The following COL11A1 variants were observed in gnomAD, a reference collection of about 807,000 sequenced individuals.
COL11A1 encodes collagen alpha-1(XI) chain.
Under a neutral mutation model 265.2 loss-of-function variants are expected in COL11A1, and 74 were observed. The ratio of observed to expected loss-of-function variants is 0.28; its 90% confidence interval spans 0.23 to 0.34. COL11A1 has a LOEUF of 0.34. Ranked by LOEUF, COL11A1 falls within the 10% of genes least tolerant of loss-of-function variation. COL11A1 has a pLI of 1.00. For missense variants in COL11A1, 2,165 were observed against 2,263.6 expected (o/e 0.96, Z 0.88); for synonymous variants, 816 against 727.6 (o/e 1.12, Z -1.96).
At chr1:102,954,879 A>G (rs1234839019) in intron 41 of COL11A1, among the ~76,000 whole-genome samples, 1 of 151,824 alleles carries the variant, frequency 6.6e-6, no homozygotes, top group African/African-American at 2.4e-5. Context: ...GTTGACCTTC[A>G]TGTCAAAACT....
chr1:102,921,856 A>T (rs1332955249), intron 47 of COL11A1, among the ~76,000 whole-genome samples: 2 of 152,248 alleles, frequency 1.3e-5, no homozygotes, highest in Admixed American at 6.5e-5. Context: ...TCACAATATA[A>T]CTAGATATAT....
chr1:102,933,728 T>C (rs1657812040), intron 46 of COL11A1, among the ~76,000 whole-genome samples: 1 of 152,122 alleles, frequency 6.6e-6, no homozygotes, highest in Non-Finnish European at 1.5e-5. Context: ...ACTGCTGTGC[T>C]AGCAATCAGC....
chr1:102,987,007 T>A lies in COL11A1; in HGVS notation c.2502+626A>T, dbSNP rs371674652. On this transcript the variant is annotated intron_variant, in intron 30 of 66. Coordinates refer to ENST00000370096, the MANE Select transcript of COL11A1 (RefSeq NM_001854.4). Reference sequence around the variant, plus strand: ...AAAAATAAAAGATGATTCTACTTGGTGTAAAACCTTAAGTAGAACCTCTTT... The same window carrying A: ...AAAAATAAAAGATGATTCTACTTGGAGTAAAACCTTAAGTAGAACCTCTTT... Among the ~76,000 whole-genome samples, 10 of 152,244 alleles carry A rather than the reference T, an allele frequency of 6.6e-5. No individual in the cohort carries two copies. In the East Asian group the frequency reaches 7.7e-4, roughly 12 times the overall value.
intron 4 of COL11A1, among the ~76,000 whole-genome samples, chr1:103,059,883 A>G (rs1369300416): frequency 6.6e-6 from 1 of 152,082 alleles, no homozygotes; most frequent in Non-Finnish European, 1.5e-5. Flanking sequence ...GCTTTGGGAC[A>G]ACAACAAAAT....
intron 54 of COL11A1, among the ~76,000 whole-genome samples, chr1:102,899,416 G>A (rs1284405485): frequency 6.6e-6 from 1 of 151,918 alleles, no homozygotes; most frequent in African/African-American, 2.4e-5. Context: ...CTTAGAATAT[G>A]TATATGTTCA....
At chr1:103,057,717 G>A (rs1670353112) in intron 4 of COL11A1, among the ~76,000 whole-genome samples, 1 of 152,138 alleles carries the variant, frequency 6.6e-6, no homozygotes, top group Non-Finnish European at 1.5e-5. Flanking sequence ...TATTGTCAAT[G>A]AGCAGTAATA....
intron 24 of COL11A1, chr1:103,000,887 C>T (rs557786416): frequency 1.6e-3 from 526 of 330,636 alleles, no homozygotes; most frequent in Non-Finnish European, 2.4e-3. Context: ...GTAAACAGAA[C>T]CTGGTATACC....
At position 102,962,900 on chromosome 1, in the gene COL11A1, A is replaced by G. The variant is rs1037398027; in HGVS notation, c.2917-140T>C. On this transcript the variant is annotated intron_variant, in intron 38 of 66. Coordinates refer to ENST00000370096, the MANE Select transcript of COL11A1 (RefSeq NM_001854.4). ...CATGATGTCCTACAAAACACTTCAC[A>G]TAAAGCACTGAAAGTAGCATATCAA... is the stretch of plus-strand genomic sequence containing the variant. 4.0e-6 allele frequency: 3 copies of G among 745,554 alleles called. No homozygotes were observed. In the African/African-American group the frequency reaches 5.3e-5, roughly 13 times the overall value. The allele number at this position is 745,554 out of a possible 1,614,324, so 46.2% of individuals were successfully genotyped here. A position where few individuals can be genotyped will look rare whatever the true frequency, so the allele number is the denominator to read the frequency against.
At chr1:102,962,805 T>C (rs988848938) in intron 38 of COL11A1, 45 bp from the exon 39 acceptor site, 14 of 1,562,190 alleles carry the variant, frequency 9.0e-6, no homozygotes, top group Non-Finnish European at 1.2e-5. Flanking sequence ...CTTTTATTTT[T>C]GGCAAAGATA....
intron 12 of COL11A1, among the ~76,000 whole-genome samples, chr1:103,014,806 T>C (rs1193666781): frequency 6.6e-6 from 1 of 152,152 alleles, no homozygotes; most frequent in African/African-American, 2.4e-5. Context: ...TTACCATTTG[T>C]AGAAGAAGAA....
At chr1:103,054,751 A>G (rs1405837574) in intron 4 of COL11A1, among the ~76,000 whole-genome samples, 1 of 152,220 alleles carries the variant, frequency 6.6e-6, no homozygotes, top group African/African-American at 2.4e-5. Flanking sequence ...AAATTACAAA[A>G]TTAGCCAGGC....
chr1:103,106,411 C>A (rs768877376), intron 1 of COL11A1, among the ~76,000 whole-genome samples: 32 of 152,182 alleles, frequency 2.1e-4, no homozygotes, highest in Middle Eastern at 3.4e-3. Context: ...TTTCCTTAAT[C>A]AAAGGTCCTT....
chr1:102,887,868 C>T (rs956281091), intron 62 of COL11A1, among the ~76,000 whole-genome samples: 2 of 152,044 alleles, frequency 1.3e-5, no homozygotes, highest in South Asian at 2.1e-4. Context: ...GAAAGACAGC[C>T]ACCACAAGCC....
rs3767275 is a variant in COL11A1 at position 102,901,924 on chromosome 1, C to T, written c.4087-2930G>A. The stretch of plus-strand genomic sequence containing the variant: ...TAAAATCAAATCCCTAAGAAATTCA[C>T]AGAATTTAGTCACAAACACAGATAC... On this transcript the variant is annotated intron_variant, in intron 54 of 66. Transcript: ENST00000370096. 1.1e-3 allele frequency among the ~76,000 whole-genome samples: 167 copies of T among 152,202 alleles called. 2 individuals are homozygous for T. In the East Asian group the frequency reaches 0.029, roughly 26 times the overall value.
rs1226891173 is a variant in COL11A1, at chr1:102,880,121, A to G, written c.5041-205T>C. 3 of 552,892 alleles carry G rather than the reference A, an allele frequency of 5.4e-6. No individual in the cohort carries two copies. In the East Asian group the frequency reaches 9.1e-5, roughly 17 times the overall value. 34.2% of individuals were successfully genotyped at this position (552,892 alleles called of 1,614,324 possible). A position where few individuals can be genotyped will look rare whatever the true frequency, so the allele number is the denominator to read the frequency against. On this transcript the variant is annotated intron_variant, in intron 65 of 66. Coordinates refer to ENST00000370096, the MANE Select transcript of COL11A1 (RefSeq NM_001854.4). ...TTATGAATTGTATCCCACCTAAGTTACTGTAGCCACTGCTTATCTTTGAAA... is the reference window on the plus strand; with the variant it reads ...TTATGAATTGTATCCCACCTAAGTTGCTGTAGCCACTGCTTATCTTTGAAA...
intron 15 of COL11A1, among the ~76,000 whole-genome samples, chr1:103,007,889 T>C (rs1036162283): frequency 7.3e-6 from 1 of 136,710 alleles, no homozygotes; most frequent in Non-Finnish European, 1.6e-5. Flanking sequence ...AAAAAAAAGA[T>C]TGTCTACAGG....
intron 39 of COL11A1, 33 bp from the exon 40 acceptor site, chr1:102,962,298 T>G: frequency 6.6e-7 from 1 of 1,510,750 alleles, no homozygotes; most frequent in South Asian, 1.1e-5. Flanking sequence ...TCAAGACAGA[T>G]TAATTTCTAC....
intron 1 of COL11A1, among the ~76,000 whole-genome samples, chr1:103,087,371 T>C (rs1672962427): frequency 6.6e-6 from 1 of 152,194 alleles, no homozygotes; most frequent in Non-Finnish European, 1.5e-5. Flanking sequence ...TCAATCTTCA[T>C]TCCACCAACT....
rs200483544 is a variant in COL11A1, at chr1:103,025,909, G to C, written c.898-296C>G. 1 of 1,612,106 alleles carries C rather than the reference G, an allele frequency of 6.2e-7. No homozygotes were observed. Among genetic ancestry groups the C allele is most frequent in the Admixed American group, 1.7e-5 (1 of 59,958 alleles). ...CTTTTTGGATTTTTCCTTTGATTTA[G>C]TAGCCACTGTCCTCATCTTCTTTTT... On this transcript the variant is annotated intron_variant, in intron 6 of 66. Coordinates refer to ENST00000370096, the MANE Select transcript of COL11A1 (RefSeq NM_001854.4).
Sources: gnomAD v4.1 joint callset for allele counts (sites outside exome capture counted in the v4.1 genomes callset) on GRCh38, gnomAD v4.1.1 for gene constraint, MANE v1.5 for transcripts, NCBI Gene and HGNC (gene_info 2026-07-23, HGNC 2026-07-21) for gene names.